The following ZNF282 variants were observed in gnomAD, a reference collection of about 807,000 sequenced individuals.
ZNF282 encodes the protein HTLV-I U5 repressive element-binding protein 1.
ZNF282 carries 30 observed loss-of-function variants against 61.9 expected under a neutral mutation model. The observed-to-expected ratio is 0.48, with a 90% confidence interval of 0.36 to 0.66. The LOEUF (loss-of-function observed/expected upper bound fraction) is 0.66, where lower values mean the gene tolerates loss of function less well. ZNF282 is among the 30% of genes least tolerant of loss of function. The pLI is 0.00. For missense variants in ZNF282, 788 were observed against 941.4 expected, an observed-to-expected ratio of 0.84 and a Z score of 2.13; for synonymous variants, 396 against 405.0, an observed-to-expected ratio of 0.98 and a Z score of 0.27.
At position 149,198,541 on chromosome 7, in the gene ZNF282, G is replaced by A. The variant is rs1585558760; in HGVS notation, c.374G>A (p.Arg125His). Residue 125 changes from arginine (R) to histidine (H), a missense_variant, in exon 2 of 8, where the codon CGC becomes CAC. Arg to His is a conservative substitution (Grantham distance 29). Around this residue, in one of 3 missense-constraint regions of ZNF282, gnomAD observed 92 missense variants for 163.9 expected, o/e 0.56. Transcript: ENST00000610704. The surrounding 1 kb of genome is among the most constrained non-coding windows in gnomAD (Gnocchi z 4.3). The part of the protein sequence containing the change: ...QASQLLNLEG[R>H]TGTAEKKLAD... Reference sequence around the variant, plus strand: ...AGCCAGCTGCTGAACCTGGAGGGGCGCACGGGGACAGCCGAGAAGAAGCTG... The same window carrying A: ...AGCCAGCTGCTGAACCTGGAGGGGCACACGGGGACAGCCGAGAAGAAGCTG... 3.1e-6 allele frequency: 5 copies of A among 1,614,222 alleles called. No homozygotes were observed. Among genetic ancestry groups the A allele is most frequent in the South Asian group, 1.1e-5 (1 of 91,082 alleles).
intron 1 of ZNF282, among the ~76,000 whole-genome samples, chr7:149,196,189 G>C (rs771405147): frequency 1.3e-5 from 2 of 152,184 alleles, no homozygotes; most frequent in Non-Finnish European, 2.9e-5. Flanking sequence ...CCAATTTGAC[G>C]GGGATATTTT....
At position 149,218,357 on chromosome 7, in the gene ZNF282, G is replaced by T. The variant is rs1362568058; in HGVS notation, c.1180+4543G>T. 2.6e-5 allele frequency among the ~76,000 whole-genome samples: 4 copies of T among 152,240 alleles called. No individual in the cohort carries two copies. In the South Asian group the frequency reaches 6.2e-4, roughly 24 times the overall value. On this transcript the variant is annotated intron_variant, in intron 7 of 7. Coordinates refer to ENST00000610704, the MANE Select transcript of ZNF282 (RefSeq NM_003575.4). ...TGTCACTCATGGGTTGCCTGTGGGG[G>T]CTGTGGAATCAAGACTGACTCCTGG... is the stretch of plus-strand genomic sequence containing the variant.
Position 149,224,827 on chromosome 7 carries a change from C to T in ZNF282, c.*180C>T. 8.5e-7 allele frequency: 1 copy of T among 1,179,164 alleles called. No homozygotes were observed. The highest frequency in any genetic ancestry group is 3.0e-4 in the Middle Eastern group (1 of 3,372). 73.0% of individuals were successfully genotyped at this position (1,179,164 alleles called of 1,614,324 possible). A position where few individuals can be genotyped will look rare whatever the true frequency, so the allele number is the denominator to read the frequency against. On this transcript the variant is annotated 3_prime_UTR_variant, in exon 8 of 8. Coordinates refer to ENST00000610704, the MANE Select transcript of ZNF282 (RefSeq NM_003575.4). ...GATCTGTCTGGTCTGAATGGACGCC[C>T]AGCTCATCTAGGGTGGACCCAGCTG... is the stretch of plus-strand genomic sequence containing the variant.
chr7:149,195,653 A>G lies in ZNF282; in HGVS notation c.64A>G (p.Ser22Gly), dbSNP rs147109301. ...GGGCATCCAGGGCCTGGGGCTGGACAGCGGGAGCTGGAGCTGGGCCCAGGC... is the reference window on the plus strand; with the variant it reads ...GGGCATCCAGGGCCTGGGGCTGGACGGCGGGAGCTGGAGCTGGGCCCAGGC... ...QLGIQGLGLDSGSWSWAQALP... is the reference protein window; with the variant it reads ...QLGIQGLGLDGGSWSWAQALP... The change falls in exon 1 of 8, where the codon AGC becomes GGC. Residue 22 changes from serine to glycine, a missense_variant. Transcript: ENST00000610704. 3,210 of 1,604,052 alleles carry G rather than the reference A, an allele frequency of 2.0e-3. 7 individuals carry two copies. Among genetic ancestry groups the G allele is most frequent in the Non-Finnish European group, 2.5e-3 (2,949 of 1,176,156 alleles).
At chr7:149,217,472 G>A (rs1282273413) in intron 7 of ZNF282, among the ~76,000 whole-genome samples, 3 of 152,194 alleles carry the variant, frequency 2.0e-5, no homozygotes, top group Non-Finnish European at 1.5e-5. Flanking sequence ...GCTAAGGCAG[G>A]AGAATTGCTT....
At chr7:149,209,558 C>G (rs1375232276) in intron 4 of ZNF282, among the ~76,000 whole-genome samples, 1 of 152,132 alleles carries the variant, frequency 6.6e-6, no homozygotes, top group African/African-American at 2.4e-5. Flanking sequence ...GTAATCTCAA[C>G]AGTTTCAGTT....
intron 7 of ZNF282, 53 bp from the exon 8 acceptor site, chr7:149,223,758 TG>T: frequency 7.0e-7 from 1 of 1,432,518 alleles, no homozygotes; most frequent in Non-Finnish European, 9.1e-7. Context: ...GGGAGCAGTG[TG>T]GGGTCCTGGC....
rs775719118 is a variant in ZNF282, at chr7:149,224,101, G to T, written c.1470G>T (p.Thr490=). 1.7e-5 allele frequency: 23 copies of T among 1,389,822 alleles called. No homozygotes were observed. The East Asian group carries it at 2.7e-4, about 17-fold the overall frequency. 86.1% of individuals were successfully genotyped at this position (1,389,822 alleles called of 1,614,324 possible). A position where few individuals can be genotyped will look rare whatever the true frequency, so the allele number is the denominator to read the frequency against. Residue 490 remains threonine, a synonymous_variant, in exon 8 of 8, where the codon ACG becomes ACT. Coordinates refer to ENST00000610704, the MANE Select transcript of ZNF282 (RefSeq NM_003575.4). Reference sequence around the variant, plus strand: ...GGGGCGGCGGCGCGGAGGCGGGGACGGGGGCAGGCGGCGGCTGTGGCAGCT... The same window carrying T: ...GGGGCGGCGGCGCGGAGGCGGGGACTGGGGCAGGCGGCGGCTGTGGCAGCT... The part of the protein sequence containing the change: ...GGGGGGAEAG[T]GAGGGCGSCC...
rs567282090 is a variant in ZNF282, at chr7:149,223,266, G to A, written c.1181-546G>A. On this transcript the variant is annotated intron_variant, in intron 7 of 7. Transcript: ENST00000610704. The stretch of plus-strand genomic sequence containing the variant: ...TGGGATTACAGGCGTGAGCCACTGC[G>A]ACCGGCCGAAAAGATTTGTTTTTTT... Among the ~76,000 whole-genome samples, 59 of 151,114 alleles carry A rather than the reference G, an allele frequency of 3.9e-4. 1 individual carries two copies. The South Asian group carries it at 6.7e-3, about 17-fold the overall frequency.
intron 5 of ZNF282, among the ~76,000 whole-genome samples, chr7:149,212,123 G>A (rs1266606227): frequency 2.0e-5 from 3 of 152,106 alleles, no homozygotes; most frequent in Non-Finnish European, 4.4e-5. Flanking sequence ...GCACAGAAAG[G>A]CTCTTTCTTA....
At chr7:149,200,264 G>T (rs142607090) in intron 2 of ZNF282, among the ~76,000 whole-genome samples, 1 of 152,118 alleles carries the variant, frequency 6.6e-6, no homozygotes, top group Admixed American at 6.6e-5. Context: ...TCTCTGGAAC[G>T]CACTCTGATC....
At chr7:149,209,091 G>A (rs1235278447) in intron 4 of ZNF282, among the ~76,000 whole-genome samples, 2 of 151,496 alleles carry the variant, frequency 1.3e-5, no homozygotes, top group East Asian at 3.9e-4. Context: ...GGCCGAGGAG[G>A]GCGAATCATG....
chr7:149,212,766 G>C (rs2129523452), intron 6 of ZNF282, among the ~76,000 whole-genome samples: 1 of 152,258 alleles, frequency 6.6e-6, no homozygotes, highest in South Asian at 2.1e-4. Context: ...ATTTTTAGTA[G>C]AGATGGGGTT....
chr7:149,207,209 C>A, intron 3 of ZNF282, 142 bp from the exon 4 acceptor site: 2 of 1,027,140 alleles, frequency 1.9e-6, no homozygotes, highest in Non-Finnish European at 1.3e-6. Context: ...TTCAGATTAC[C>A]CGCCTAACTC....
At position 149,223,728 on chromosome 7, in the gene ZNF282, T is replaced by C. The variant is rs561005426; in HGVS notation, c.1181-84T>C. The C allele has an allele frequency of 2.7e-4, 360 of 1,349,700 alleles. 4 individuals carry two copies. The East Asian group carries it at 0.01, about 38-fold the overall frequency. 83.6% of individuals were successfully genotyped at this position (1,349,700 alleles called of 1,614,324 possible). ...TAGTGGAACTGAGGCTCAGATAGCA[T>C]GCTCCCTGGGCCCCCCTTCGGGAGC... On this transcript the variant is annotated intron_variant, in intron 7 of 7. Coordinates refer to ENST00000610704, the MANE Select transcript of ZNF282 (RefSeq NM_003575.4).
At chr7:149,210,725 T>A in intron 5 of ZNF282, 21 bp downstream of exon 5, 3 of 1,557,280 alleles carry the variant, frequency 1.9e-6, no homozygotes, top group Non-Finnish European at 2.6e-6. Context: ...CAAGCAGCCG[T>A]CCACACCAGG....
At chr7:149,207,618 C>T (rs556366999) in intron 4 of ZNF282, 148 bp downstream of exon 4, 7 of 1,253,940 alleles carry the variant, frequency 5.6e-6, no homozygotes, top group East Asian at 2.6e-5. Flanking sequence ...CTGCCAGAGT[C>T]GAAATTTGGT....
intron 3 of ZNF282, 142 bp from the exon 4 acceptor site, chr7:149,207,209 C>G (rs911330213): frequency 9.7e-7 from 1 of 1,027,142 alleles, no homozygotes; most frequent in South Asian, 1.8e-5. Context: ...TTCAGATTAC[C>G]CGCCTAACTC....
chr7:149,211,698 C>A (rs983072201), intron 5 of ZNF282, among the ~76,000 whole-genome samples: 1 of 152,138 alleles, frequency 6.6e-6, no homozygotes, highest in Non-Finnish European at 1.5e-5. Flanking sequence ...CTCATCCCCC[C>A]CTTAGTCAGA....
Sources: allele counts gnomAD v4.1 joint callset (sites outside exome capture counted in the v4.1 genomes callset), GRCh38; gene constraint gnomAD v4.1.1; regional missense constraint gnomAD v4.1.1; non-coding constraint Gnocchi (gnomAD v3.1); transcripts MANE v1.5; gene names NCBI Gene and HGNC (gene_info 2026-07-23, HGNC 2026-07-21).